The following RP1 variants were observed in gnomAD, a reference collection of about 807,000 sequenced individuals.
The protein encoded by RP1 is oxygen-regulated protein 1.
RP1 carries 16 observed loss-of-function variants against 14.8 expected under a neutral mutation model. That is an observed-to-expected ratio of 1.08 (90% CI 0.73 to 1.65). The LOEUF (loss-of-function observed/expected upper bound fraction) is 1.65. Ranked by LOEUF, RP1 falls within the 40% of genes most tolerant of loss-of-function variation. The pLI, the probability that RP1 is intolerant of heterozygous loss-of-function variation, is 0.00. For synonymous variants in RP1, 876 were observed against 883.6 expected (o/e 0.99, Z 0.15); for missense variants, 2,631 against 2,535.0 (o/e 1.04, Z -0.81).
chr8:54,731,551 A>T (rs1218976505), intron 17 of RP1, among the ~76,000 whole-genome samples: 4 of 152,204 alleles, frequency 2.6e-5, no homozygotes, highest in Non-Finnish European at 5.9e-5. Context: ...TATTTAATTG[A>T]TAACAGTACA....
intron 28 of RP1, among the ~76,000 whole-genome samples, chr8:54,867,974 TAG>T (rs1222377767): frequency 2.0e-5 from 3 of 152,194 alleles, no homozygotes; most frequent in Non-Finnish European, 4.4e-5. Context: ...ATATCACATC[TAG>T]ATATTTGGTA....
chr8:54,704,874 G>T (rs1808112518), intron 14 of RP1, among the ~76,000 whole-genome samples: 1 of 151,932 alleles, frequency 6.6e-6, no homozygotes, highest in African/African-American at 2.4e-5. Context: ...CTTTTTTGTT[G>T]TTGAACATTT....
intron 24 of RP1, among the ~76,000 whole-genome samples, chr8:54,790,814 C>G (rs1354523904): frequency 1.3e-5 from 2 of 151,730 alleles, no homozygotes; most frequent in South Asian, 4.2e-4. Flanking sequence ...AAAAAGGAAA[C>G]AAAATAATTT....
At chr8:54,673,275 AT>A (rs1489463414) in intron 7 of RP1, among the ~76,000 whole-genome samples, 1 of 152,088 alleles carries the variant, frequency 6.6e-6, no homozygotes, top group Non-Finnish European at 1.5e-5. Context: ...TTTTCTTACC[AT>A]TTTTTAATGG....
At chr8:54,631,261 ACTT>A (rs899098256), downstream of RP1, among the ~76,000 whole-genome samples, 12 of 152,184 alleles carry the variant, frequency 7.9e-5, no homozygotes, top group African/African-American at 2.4e-4. Flanking sequence ...GCTGGAGACT[ACTT>A]CTATGTAGAG....
In RP1 at chr8:54,627,268, T is replaced by C; in HGVS notation, c.3386T>C (p.Leu1129Pro). ...ATATGTAATTCATCCACTAATCTCCTTCTAGCTTGGCTCTTGGTGCTAAAC... is the reference window on the plus strand; with the variant it reads ...ATATGTAATTCATCCACTAATCTCCCTCTAGCTTGGCTCTTGGTGCTAAAC... ...SAICNSSTNL[L>P]LAWLLVLNLK... The change falls in exon 4 of 4, where the codon CTT (leucine) becomes CCT (proline). Residue 1129 changes from leucine (L) to proline (P), a missense_variant. By Grantham distance (98) the Leu-to-Pro change is moderately conservative. Transcript: ENST00000220676. 1 of 1,614,112 alleles carries C rather than the reference T, an allele frequency of 6.2e-7. No individual in the cohort carries two copies. The highest frequency in any genetic ancestry group is 8.5e-7 in the Non-Finnish European group (1 of 1,179,984).
chr8:54,788,392 T>C (rs931983427), intron 24 of RP1, among the ~76,000 whole-genome samples: 4 of 152,230 alleles, frequency 2.6e-5, no homozygotes, highest in Non-Finnish European at 5.9e-5. Context: ...CATTTTGATT[T>C]TGGCATAACT....
chr8:54,604,744 A>C (rs1268522489), intron 1 of RP1, among the ~76,000 whole-genome samples: 1 of 152,096 alleles, frequency 6.6e-6, no homozygotes, highest in Non-Finnish European at 1.5e-5. Context: ...CAGAGATTCA[A>C]CTTCTTCCTG....
At chr8:54,826,674 G>A (rs1811391216) in intron 24 of RP1, among the ~76,000 whole-genome samples, 1 of 152,142 alleles carries the variant, frequency 6.6e-6, no homozygotes, top group Non-Finnish European at 1.5e-5. Context: ...GAAGAGAATT[G>A]CCAAGTCCTC....
chr8:54,842,193 A>C (rs1274249291), intron 25 of RP1, among the ~76,000 whole-genome samples: 2 of 152,226 alleles, frequency 1.3e-5, no homozygotes, highest in African/African-American at 4.8e-5. Context: ...AGACCTTTTC[A>C]TCCACGAGAG....
At chr8:54,633,820 CAGTTTGAGCCCCTGCTCTGTGCCAA>C (rs1806298566), downstream of RP1, among the ~76,000 whole-genome samples, 1 of 150,306 alleles carries the variant, frequency 6.7e-6, no homozygotes, top group Non-Finnish European at 1.5e-5. Flanking sequence ...AGGTGACAAA[CAGTTTGAGCCCCTGCTCTGTGCCAA>C]ATATTGGGCT....
chr8:54,732,590 T>A (rs1386403597), intron 17 of RP1, among the ~76,000 whole-genome samples: 2 of 152,158 alleles, frequency 1.3e-5, no homozygotes, highest in Non-Finnish European at 2.9e-5. Flanking sequence ...AGTAAGTGAA[T>A]GATCGACATC....
chr8:54,787,107 T>C (rs1225408349), intron 24 of RP1, among the ~76,000 whole-genome samples: 1 of 152,132 alleles, frequency 6.6e-6, no homozygotes, highest in Non-Finnish European at 1.5e-5. Flanking sequence ...TGCAAAATGG[T>C]GTCAGTGGCT....
intron 23 of RP1, among the ~76,000 whole-genome samples, chr8:54,776,915 G>C (rs1453609344): frequency 6.6e-6 from 1 of 152,212 alleles, no homozygotes; most frequent in African/African-American, 2.4e-5. Context: ...TACCTGAATA[G>C]TGATACGACA....
intron 24 of RP1, chr8:54,783,820 T>A: frequency 2.9e-6 from 2 of 693,740 alleles, no homozygotes; most frequent in Non-Finnish European, 4.0e-6. Context: ...GCATTTGCAT[T>A]AAATTTGCTT....
At position 54,726,264 on chromosome 8, in the gene RP1, C is replaced by T; in HGVS notation, c.2390-81C>T. On this transcript the variant is annotated intron_variant, in intron 16 of 22. Transcript: ENST00000636932. ...GAAACAATAGCAAAAATTAAACTTG[C>T]ATAGCTGAACATATGATGAGTATTC... 6 of 1,394,548 alleles carry T rather than the reference C, an allele frequency of 4.3e-6. 1 individual carries two copies. In the South Asian group the frequency reaches 9.8e-5, roughly 23 times the overall value. 86.4% of individuals were successfully genotyped at this position (1,394,548 alleles called of 1,614,324 possible).
chr8:54,611,884 TCTCC>T (rs1302203226), upstream of RP1, among the ~76,000 whole-genome samples: 9 of 104,052 alleles, frequency 8.6e-5, no homozygotes, highest in African/African-American at 2.7e-4. Flanking sequence ...TCCCTCCCTC[TCTCC>T]CTTCCTTCCT....
At chr8:54,708,502 T>C (rs1043701643) in intron 15 of RP1, among the ~76,000 whole-genome samples, 7 of 152,124 alleles carry the variant, frequency 4.6e-5, no homozygotes, top group African/African-American at 1.7e-4. Context: ...TACAGGTGCC[T>C]GCCACCATGC....
At chr8:54,665,430 G>T (rs564367125) in intron 7 of RP1, among the ~76,000 whole-genome samples, 9 of 152,108 alleles carry the variant, frequency 5.9e-5, no homozygotes, top group Non-Finnish European at 1.0e-4. Context: ...AGGAGTTTAG[G>T]GTGTGCCAAG....
Sources: gnomAD v4.1 joint callset for allele counts (sites outside exome capture counted in the v4.1 genomes callset) on GRCh38, gnomAD v4.1.1 for gene constraint, MANE v1.5 for transcripts, NCBI Gene and HGNC (gene_info 2026-07-23, HGNC 2026-07-21) for gene names.